The following CLIC4 variants were observed in gnomAD, a reference collection of about 807,000 sequenced individuals.
CLIC4 encodes CLIC family member 4.
In CLIC4, 13 loss-of-function variants were observed where a neutral mutation model predicts 24.6. The ratio of observed to expected loss-of-function variants is 0.53; its 90% CI spans 0.34 to 0.84. CLIC4 has a LOEUF of 0.84. Ranked by LOEUF, CLIC4 falls within the 40% of genes least tolerant of loss-of-function variation. CLIC4 has a pLI of 0.01. For missense variants in CLIC4, 227 were observed against 301.7 expected, an observed-to-expected ratio of 0.75 and a Z score of 1.83; for synonymous variants, 104 against 111.3, an observed-to-expected ratio of 0.93 and a Z score of 0.41.
chr1:24,823,545 C>G (rs192999155), intron 3 of CLIC4, among the ~76,000 whole-genome samples: 1 of 152,014 alleles, frequency 6.6e-6, no homozygotes, highest in Admixed American at 6.6e-5. Context: ...GAGGCCAAGG[C>G]GGGTGGATCA....
At chr1:24,757,748 T>C (rs142270442) in intron 1 of CLIC4, among the ~76,000 whole-genome samples, 2 of 152,246 alleles carry the variant, frequency 1.3e-5, no homozygotes, top group Non-Finnish European at 2.9e-5. Flanking sequence ...ATTTTTTTCT[T>C]TTTCTTCCCT....
Position 24,814,147 on chromosome 1 carries a change from C to CT in CLIC4, c.239dup (p.Asn81GlnfsTer3). ...CCCGGGACCCACCCACCATTTATAA[C>CT]TTTCAACAGTGAAGTCAAAACGGAT... On this transcript the variant is annotated frameshift_variant, in exon 3 of 6. Coordinates refer to ENST00000374379, the MANE Select transcript of CLIC4 (RefSeq NM_013943.3). LOFTEE classifies it high-confidence loss of function. The CT allele has an allele frequency of 6.2e-7, 1 of 1,614,130 alleles. No homozygotes were observed. Among genetic ancestry groups the CT allele is most frequent in the Non-Finnish European group, 8.5e-7 (1 of 1,180,002 alleles).
rs1318919327 is a variant in CLIC4 at position 24,764,992 on chromosome 1, A to G, written c.72+19367A>G. Among the ~76,000 whole-genome samples the G allele has an allele frequency of 3.3e-5, 5 of 152,218 alleles. No individual in the cohort carries two copies. In the East Asian group the frequency reaches 9.6e-4, roughly 29 times the overall value. On this transcript the variant is annotated intron_variant, in intron 1 of 5. Coordinates refer to ENST00000374379, the MANE Select transcript of CLIC4 (RefSeq NM_013943.3). ...AATGTACCCTCAGGTGTCAGTAATG[A>G]ATGAGCTATAAGGAAGGCGTACTAT... is the stretch of plus-strand genomic sequence containing the variant.
rs1354908866 is a variant in CLIC4, at chr1:24,843,852, T to G, written c.*2915T>G. 1 of 152,598 alleles carries G rather than the reference T, an allele frequency of 6.6e-6. No individual in the cohort carries two copies. Among genetic ancestry groups the G allele is most frequent in the Non-Finnish European group, 1.5e-5 (1 of 68,004 alleles). The allele number at this position is 152,598 out of a possible 1,614,324, so 9.5% of individuals were successfully genotyped here. On this transcript the variant is annotated 3_prime_UTR_variant, in exon 6 of 6. Transcript: ENST00000374379. ...TTTATTTCTGTGCCCTTAAACCCAT[T>G]TAGAAAATAACTACAAAGTAAAAAT... is the stretch of plus-strand genomic sequence containing the variant.
At chr1:24,825,293 C>T (rs543418206) in intron 3 of CLIC4, among the ~76,000 whole-genome samples, 7 of 152,230 alleles carry the variant, frequency 4.6e-5, no homozygotes, top group African/African-American at 7.2e-5. Flanking sequence ...ATGTTCACTG[C>T]GCTATTTTTT....
chr1:24,776,547 T>A (rs891037046), intron 1 of CLIC4, among the ~76,000 whole-genome samples: 1 of 152,208 alleles, frequency 6.6e-6, no homozygotes, highest in Non-Finnish European at 1.5e-5. Flanking sequence ...TTAGAATAGT[T>A]TTAGATTTGT....
At chr1:24,829,416 G>A (rs1316742236) in intron 4 of CLIC4, among the ~76,000 whole-genome samples, 2 of 152,124 alleles carry the variant, frequency 1.3e-5, no homozygotes, top group Non-Finnish European at 2.9e-5. Flanking sequence ...TAATTCTTTT[G>A]ATAACACGTT....
chr1:24,804,363 T>G, intron 2 of CLIC4, among the ~76,000 whole-genome samples: 1 of 130,886 alleles, frequency 7.6e-6, no homozygotes, highest in Non-Finnish European at 1.6e-5. Flanking sequence ...GTGTGGGGGG[T>G]GTGTGTATGT....
intron 1 of CLIC4, among the ~76,000 whole-genome samples, chr1:24,791,217 A>C (rs1372321061): frequency 6.6e-6 from 1 of 152,166 alleles, no homozygotes; most frequent in Non-Finnish European, 1.5e-5. Context: ...ACTATATGTT[A>C]ATTTTTATGG....
chr1:24,823,918 G>C (rs1639761454), intron 3 of CLIC4, among the ~76,000 whole-genome samples: 1 of 152,130 alleles, frequency 6.6e-6, no homozygotes, highest in Admixed American at 6.6e-5. Context: ...AAAATGTTAA[G>C]AGTCTGTGAT....
chr1:24,745,470 A>T lies in CLIC4; in HGVS notation c.-84A>T. 3 of 1,314,830 alleles carry T rather than the reference A, an allele frequency of 2.3e-6. No homozygotes were observed. Among genetic ancestry groups the T allele is most frequent in the South Asian group, 2.6e-5 (2 of 75,502 alleles). 81.4% of individuals were successfully genotyped at this position (1,314,830 alleles called of 1,614,324 possible). A position where few individuals can be genotyped will look rare whatever the true frequency, so the allele number is the denominator to read the frequency against. ...ACAGTCCAGCGAGCAGCACGGCGGG[A>T]ACCGGCAGCCGGAGCAGTCCCGGAG... is the stretch of plus-strand genomic sequence containing the variant. On this transcript the variant is annotated 5_prime_UTR_variant, in exon 1 of 6. Transcript: ENST00000374379.
intron 3 of CLIC4, among the ~76,000 whole-genome samples, chr1:24,817,486 G>A (rs920338418): frequency 1.3e-5 from 2 of 152,198 alleles, no homozygotes; most frequent in Non-Finnish European, 2.9e-5. Flanking sequence ...TAGAACTGAA[G>A]TGAGTTAGGG....
chr1:24,784,420 C>G (rs1252750992), intron 1 of CLIC4, among the ~76,000 whole-genome samples: 1 of 152,196 alleles, frequency 6.6e-6, no homozygotes, highest in Non-Finnish European at 1.5e-5. Flanking sequence ...CCACCATTCT[C>G]TGCTGAGCAA....
intron 1 of CLIC4, among the ~76,000 whole-genome samples, chr1:24,759,760 G>A (rs1638896878): frequency 6.6e-6 from 1 of 152,144 alleles, no homozygotes. Flanking sequence ...ACCAGCCTCT[G>A]CAACGTGGGG....
In CLIC4 at chr1:24,745,481, G is replaced by GGA. The variant is rs891545683; in HGVS notation, c.-71_-70dup. On this transcript the variant is annotated 5_prime_UTR_variant, in exon 1 of 6. Coordinates refer to ENST00000374379, the MANE Select transcript of CLIC4 (RefSeq NM_013943.3). ...AGCAGCACGGCGGGAACCGGCAGCC[G>GGA]GAGCAGTCCCGGAGCAGAAGCAGCA... is the stretch of plus-strand genomic sequence containing the variant. 1.2e-5 allele frequency: 17 copies of GGA among 1,410,414 alleles called. No homozygotes were observed. The African/African-American group carries it at 1.6e-4, about 13-fold the overall frequency. The allele number at this position is 1,410,414 out of a possible 1,614,324, so 87.4% of individuals were successfully genotyped here. A position where few individuals can be genotyped will look rare whatever the true frequency, so the allele number is the denominator to read the frequency against.
intron 4 of CLIC4, among the ~76,000 whole-genome samples, chr1:24,831,702 G>A (rs1390835845): frequency 2.0e-5 from 3 of 152,078 alleles, no homozygotes; most frequent in South Asian, 2.1e-4. Context: ...GCAGTGGCAC[G>A]ATCTCGGCTC....
At chr1:24,813,511 C>G (rs894704467) in intron 2 of CLIC4, among the ~76,000 whole-genome samples, 1 of 151,728 alleles carries the variant, frequency 6.6e-6, no homozygotes, top group East Asian at 1.9e-4. Context: ...CTCCGCCTCC[C>G]GGGTTCAAGT....
intron 1 of CLIC4, among the ~76,000 whole-genome samples, chr1:24,752,456 T>C (rs141966414): frequency 1.3e-5 from 2 of 152,290 alleles, no homozygotes; most frequent in East Asian, 3.9e-4. Context: ...CATTGTCCTC[T>C]TCTGAATTGT....
At chr1:24,823,036 G>A (rs1639750802) in intron 3 of CLIC4, among the ~76,000 whole-genome samples, 2 of 152,168 alleles carry the variant, frequency 1.3e-5, no homozygotes, top group Admixed American at 6.5e-5. Flanking sequence ...AGAAAAAGGA[G>A]AAGAATTGTG....
Sources: gnomAD v4.1 joint callset for allele counts (sites outside exome capture counted in the v4.1 genomes callset) on GRCh38, gnomAD v4.1.1 for gene constraint, MANE v1.5 for transcripts, NCBI Gene and HGNC (gene_info 2026-07-23, HGNC 2026-07-21) for gene names.